Variants in OR51B5 observed in about 807,000 individuals in gnomAD.
OR51B5 encodes olfactory receptor 51B5.
For synonymous variants in OR51B5, 186 were observed against 144.8 expected (o/e 1.28, Z -2.04); for missense variants, 456 against 374.6 (o/e 1.22, Z -1.79).
chr11:5,390,542 ACTT>A, intron 1 of OR51B5: 1 of 609,410 alleles, frequency 1.6e-6, no homozygotes, highest in Non-Finnish European at 2.8e-6. Flanking sequence ...AAAAAACTGA[ACTT>A]CTCTTGCTTA....
intron 1 of OR51B5, among the ~76,000 whole-genome samples, chr11:5,500,823 A>C (rs1846282441): frequency 6.8e-6 from 1 of 147,376 alleles, no homozygotes; most frequent in African/African-American, 2.4e-5. Flanking sequence ...CCTTGCCTCC[A>C]CCTCCCTGAA....
intron 1 of OR51B5, among the ~76,000 whole-genome samples, chr11:5,375,918 C>A (rs1849520003): frequency 1.3e-5 from 2 of 152,072 alleles, no homozygotes; most frequent in South Asian, 2.1e-4. Context: ...AGAAAGTTAA[C>A]AAGGATATCC....
chr11:5,435,297 C>G (rs370600321), intron 1 of OR51B5, among the ~76,000 whole-genome samples: 17 of 152,186 alleles, frequency 1.1e-4, no homozygotes, highest in South Asian at 6.2e-4. Context: ...CTTAAACGTG[C>G]TTTCTCTACA....
chr11:5,400,363 TAC>T (rs1326537784), intron 1 of OR51B5, among the ~76,000 whole-genome samples: 1 of 152,178 alleles, frequency 6.6e-6, no homozygotes. Flanking sequence ...CTATTACATC[TAC>T]AGTTTTTATT....
chr11:5,452,504 CAAAAAAAAAAAAAAAAAAAAAAAAAAA>C (rs56677841), intron 1 of OR51B5, among the ~76,000 whole-genome samples: 5 of 69,214 alleles, frequency 7.2e-5, no homozygotes, highest in African/African-American at 2.2e-4. Flanking sequence ...GACTCTGTCT[CAAAAAAAAAAAAAAAAAAAAAAAAAAA>C]AAAAAAAAAA....
At chr11:5,388,960 AT>A (rs1849746234) in intron 1 of OR51B5, among the ~76,000 whole-genome samples, 1 of 152,224 alleles carries the variant, frequency 6.6e-6, no homozygotes, top group East Asian at 1.9e-4. Flanking sequence ...CACTGAGATA[AT>A]GAAAAGTACA....
intron 1 of OR51B5, chr11:5,351,479 T>C (rs752747405): frequency 1.9e-6 from 3 of 1,559,162 alleles, no homozygotes; most frequent in Non-Finnish European, 2.6e-6. Flanking sequence ...TTACCTGGAG[T>C]AAATATTTGC....
chr11:5,415,889 C>T (rs918028929), intron 1 of OR51B5, among the ~76,000 whole-genome samples: 33 of 149,896 alleles, frequency 2.2e-4, no homozygotes, highest in African/African-American at 7.8e-4. Flanking sequence ...CTATTCCAAT[C>T]AACAGAAAAA....
At chr11:5,466,078 C>T (rs1258403032) in intron 1 of OR51B5, among the ~76,000 whole-genome samples, 3 of 152,054 alleles carry the variant, frequency 2.0e-5, no homozygotes, top group Non-Finnish European at 4.4e-5. Flanking sequence ...GGGCTAATAT[C>T]CAGAATCTAC....
intron 1 of OR51B5, among the ~76,000 whole-genome samples, chr11:5,373,305 A>G (rs1722020434): frequency 3.9e-5 from 6 of 152,178 alleles, no homozygotes; most frequent in Admixed American, 3.9e-4. Flanking sequence ...GGAAGTCTAT[A>G]TTGATCGATT....
chr11:5,402,943 G>A, intron 1 of OR51B5: 1 of 471,326 alleles, frequency 2.1e-6, no homozygotes, highest in Non-Finnish European at 4.4e-6. Context: ...GATGGAGCCA[G>A]CTGTGCTGCT....
chr11:5,409,016 C>G (rs893896218), intron 1 of OR51B5, among the ~76,000 whole-genome samples: 5 of 152,064 alleles, frequency 3.3e-5, no homozygotes, highest in Admixed American at 3.3e-4. Context: ...TAGGTATGTT[C>G]TTGGTGGTAC....
intron 1 of OR51B5, chr11:5,389,849 C>T (rs1412400497): frequency 6.2e-7 from 1 of 1,613,752 alleles, no homozygotes; most frequent in Non-Finnish European, 8.5e-7. Context: ...TATCACTGGC[C>T]AGCAAGTGGT....
In OR51B5 at chr11:5,343,288, C is replaced by A. The variant is rs1848933250; in HGVS notation, c.237G>T (p.Val79=). The A allele has an allele frequency of 2.5e-6, 4 of 1,611,962 alleles. 1 individual carries two copies. Among genetic ancestry groups the A allele is most frequent in the Non-Finnish European group, 3.4e-6 (4 of 1,178,920 alleles). The change falls in exon 1 of 1, where the codon GTG becomes GTT. Residue 79 remains valine, a synonymous_variant. Transcript: ENST00000300773. ...TGTGATCCAGCCAGAGGACTCCCAG[C>A]ACCGTGGGCATTGTGGTCAGGGCCA...
At position 5,438,364 on chromosome 11, in the gene OR51B5, C is replaced by CG. The variant is rs1476630691; in HGVS notation, n.84+67204_84+67205insC. ...CAAACTTCATAGCAACACCCCCCCCCAGTTATCCAGTCTCAAAAGTGCAAC... is the reference window on the plus strand; with the variant it reads ...CAAACTTCATAGCAACACCCCCCCCCGAGTTATCCAGTCTCAAAAGTGCAAC... On this transcript the variant is annotated intron_variant and non_coding_transcript_variant, in intron 1 of 4. Coordinates refer to the OR51B5 transcript ENST00000415970. Among the ~76,000 whole-genome samples, 9 of 135,306 alleles carry CG rather than the reference C, an allele frequency of 6.7e-5. No individual in the cohort carries two copies. In the East Asian group the frequency reaches 1.3e-3, roughly 20 times the overall value. The allele number at this position is 135,306 out of a possible 152,430, so 88.8% of individuals were successfully genotyped here. A position where few individuals can be genotyped will look rare whatever the true frequency, so the allele number is the denominator to read the frequency against.
intron 1 of OR51B5, chr11:5,389,738 T>A: frequency 6.2e-7 from 1 of 1,613,986 alleles, no homozygotes; most frequent in Non-Finnish European, 8.5e-7. Context: ...AATCCAGATG[T>A]TCTGCATCCA....
rs535478609 is a variant in OR51B5, at chr11:5,414,758, C to G, written n.85-67848G>C. 3.0e-3 allele frequency among the ~76,000 whole-genome samples: 454 copies of G among 152,244 alleles called. 17 individuals are homozygous for G. Among genetic ancestry groups the G allele is most frequent in the Admixed American group, 0.029 (438 of 15,290 alleles). On this transcript the variant is annotated intron_variant and non_coding_transcript_variant, in intron 1 of 4. Coordinates refer to the OR51B5 transcript ENST00000415970. ...AATATATATGCACCCAATACAGGAG[C>G]ACCCAGATTCATAAACCAAGTCCTT...
Position 5,504,901 on chromosome 11 carries a change from C to G in OR51B5, n.84+668G>C, listed in dbSNP as rs117302752. On this transcript the variant is annotated intron_variant and non_coding_transcript_variant, in intron 1 of 4. Transcript: ENST00000415970. ...CTTTAATGAAGCTAGAGCAAGGATT[C>G]CAAGCACCCAGTCAATTGTGAAGAG... 3.8e-4 allele frequency among the ~76,000 whole-genome samples: 58 copies of G among 152,266 alleles called. No homozygotes were observed. In the East Asian group the frequency reaches 8.5e-3, roughly 22 times the overall value.
chr11:5,441,010 G>A lies in OR51B5; in HGVS notation n.84+64559C>T, dbSNP rs563804697. 8.1e-5 allele frequency: 130 copies of A among 1,614,014 alleles called. 1 individual carries two copies. The South Asian group carries it at 1.3e-3, about 16-fold the overall frequency. On this transcript the variant is annotated intron_variant and non_coding_transcript_variant, in intron 1 of 4. Coordinates refer to the OR51B5 transcript ENST00000415970. The stretch of plus-strand genomic sequence containing the variant: ...TGCAAAACATTGCCTTTGCAGAAGG[G>A]CAGTCGTTTCACCACAAAAGGGAAA...
Sources: gnomAD v4.1 joint callset for allele counts (sites outside exome capture counted in the v4.1 genomes callset) on GRCh38, gnomAD v4.1.1 for gene constraint, MANE v1.5 for transcripts, NCBI Gene and HGNC (gene_info 2026-07-23, HGNC 2026-07-21) for gene names.